ZNF385D: variants seen among roughly 807,000 people sequenced by gnomAD.
The protein encoded by ZNF385D is zinc finger protein 659.
A neutral mutation model predicts 35.8 loss-of-function variants in ZNF385D; 15 were observed. The observed-to-expected ratio is 0.42, with a 90% confidence interval of 0.28 to 0.64. The LOEUF is 0.64. Among genes scored for constraint, ZNF385D ranks in the 30% least tolerant of loss-of-function variants. The probability of loss-of-function intolerance (pLI) is 0.23; values close to 1 mark genes in which losing one functional copy is unlikely to be tolerated. For missense variants in ZNF385D, 474 were observed against 494.6 expected (o/e 0.96, Z 0.39); for synonymous variants, 212 against 186.8 (o/e 1.13, Z -1.10).
intron 2 of ZNF385D, among the ~76,000 whole-genome samples, chr3:22,245,316 A>G (rs1319063831): frequency 6.6e-6 from 1 of 152,036 alleles, no homozygotes; most frequent in African/African-American, 2.4e-5. Flanking sequence ...CTACCATATG[A>G]CAGAAGTGTC....
chr3:22,127,317 C>CTTTTTTTTTTTTTTTTTTTTTTTTTTT (rs71044975), intron 3 of ZNF385D, among the ~76,000 whole-genome samples: 1 of 56,308 alleles, frequency 1.8e-5, no homozygotes, highest in Non-Finnish European at 3.3e-5. Context: ...TCATTTCCTG[C>CTTTTTTTTTTTTTTTTTTTTTTTTTTT]TTTTTTTTTT....
intron 2 of ZNF385D, among the ~76,000 whole-genome samples, chr3:22,308,475 G>C (rs1054293065): frequency 2.0e-5 from 3 of 151,900 alleles, no homozygotes; most frequent in Non-Finnish European, 2.9e-5. Flanking sequence ...GAAAGACAGA[G>C]AGAAGGACAT....
chr3:21,702,654 T>C (rs1214513958), intron 1 of ZNF385D, among the ~76,000 whole-genome samples: 2 of 152,232 alleles, frequency 1.3e-5, no homozygotes, highest in African/African-American at 4.8e-5. Context: ...TGTTTCCCTT[T>C]GAAAATGGAA....
At chr3:21,892,098 C>A (rs3849560) in intron 3 of ZNF385D, among the ~76,000 whole-genome samples, 19,555 of 152,148 alleles carry the variant, frequency 0.13, 1,825 homozygotes, top group East Asian at 0.31. Flanking sequence ...AATTAACTCC[C>A]AATACTTGCT....
chr3:22,359,480 C>T (rs1361914068), intron 2 of ZNF385D, among the ~76,000 whole-genome samples: 3 of 151,732 alleles, frequency 2.0e-5, no homozygotes, highest in African/African-American at 7.3e-5. Context: ...TCAGCAATGG[C>T]GATTTCCAGA....
chr3:21,472,284 C>G (rs942056120), intron 4 of ZNF385D, among the ~76,000 whole-genome samples: 27 of 152,082 alleles, frequency 1.8e-4, no homozygotes, highest in African/African-American at 6.5e-4. Context: ...AATCTCTACT[C>G]TTGAAGAGGT....
chr3:22,240,639 G>C (rs1258179927), intron 2 of ZNF385D, among the ~76,000 whole-genome samples: 1 of 151,022 alleles, frequency 6.6e-6, no homozygotes, highest in Admixed American at 6.6e-5. Context: ...CTTTGAGGTT[G>C]CAGCAATTGA....
chr3:21,943,366 T>C (rs1351231928), intron 3 of ZNF385D, among the ~76,000 whole-genome samples: 1 of 151,650 alleles, frequency 6.6e-6, no homozygotes, highest in Non-Finnish European at 1.5e-5. Flanking sequence ...AGTAATTATT[T>C]ATTTGACTTA....
At chr3:21,781,606 T>G (rs1039394632) in intron 3 of ZNF385D, among the ~76,000 whole-genome samples, 1 of 152,082 alleles carries the variant, frequency 6.6e-6, no homozygotes, top group Non-Finnish European at 1.5e-5. Flanking sequence ...TTGACTCTAA[T>G]AATACCTCAT....
At chr3:22,138,593 C>T (rs1326066086) in intron 3 of ZNF385D, among the ~76,000 whole-genome samples, 3 of 151,386 alleles carry the variant, frequency 2.0e-5, no homozygotes, top group Admixed American at 2.0e-4. Context: ...ATAAATGGTG[C>T]TGGGAAAACT....
intron 3 of ZNF385D, among the ~76,000 whole-genome samples, chr3:21,896,555 G>C (rs2125890594): frequency 6.6e-6 from 1 of 152,244 alleles, no homozygotes; most frequent in Middle Eastern, 3.4e-3. Flanking sequence ...ATATTTTTAT[G>C]AACAGGGCAG....
chr3:22,184,199 A>G (rs970142498), intron 2 of ZNF385D, among the ~76,000 whole-genome samples: 1 of 152,164 alleles, frequency 6.6e-6, no homozygotes, highest in Admixed American at 6.6e-5. Flanking sequence ...CATTTGTAAG[A>G]AGGAGGTGAA....
rs535116583 is a variant in ZNF385D at position 22,280,818 on chromosome 3, T to G, written c.106+91632A>C. The stretch of plus-strand genomic sequence containing the variant: ...TCTTTGAGGAATGATTGCGGTATTT[T>G]GATTGGAATTGTATTAATTTGTAGA... On this transcript the variant is annotated intron_variant, in intron 2 of 5. Transcript: ENST00000494108. 1.8e-4 allele frequency among the ~76,000 whole-genome samples: 28 copies of G among 152,264 alleles called. No individual in the cohort carries two copies. In the South Asian group the frequency reaches 5.6e-3, roughly 30 times the overall value.
intron 2 of ZNF385D, among the ~76,000 whole-genome samples, chr3:21,634,875 CA>C (rs1482612828): frequency 1.3e-5 from 2 of 151,416 alleles, no homozygotes; most frequent in African/African-American, 4.9e-5. Context: ...GAAGAGACAA[CA>C]ATTGTCACTT....
In ZNF385D at chr3:21,796,498, G is replaced by A. The variant is rs149965116; in HGVS notation, c.326-131470C>T. 3.5e-4 allele frequency among the ~76,000 whole-genome samples: 53 copies of A among 152,228 alleles called. 1 individual carries two copies. In the East Asian group the frequency reaches 9.8e-3, roughly 28 times the overall value. The stretch of plus-strand genomic sequence containing the variant: ...GTTCAAAATTTGAGAATTATTTAAT[G>A]TAATTCATCACATCAACAAAAGCTG... On this transcript the variant is annotated intron_variant, in intron 3 of 5. Coordinates refer to the ZNF385D transcript ENST00000494108.
At chr3:21,444,392 T>G (rs951538538) in intron 4 of ZNF385D, among the ~76,000 whole-genome samples, 3 of 70,312 alleles carry the variant, frequency 4.3e-5, no homozygotes, top group African/African-American at 4.0e-4. Flanking sequence ...TTTTTGTTTT[T>G]TTTTTTTTTT....
At chr3:22,201,628 T>C (rs529879462) in intron 2 of ZNF385D, among the ~76,000 whole-genome samples, 1 of 152,206 alleles carries the variant, frequency 6.6e-6, no homozygotes, top group East Asian at 1.9e-4. Flanking sequence ...TGCCTTGAGA[T>C]GTTTAAGTTC....
intron 2 of ZNF385D, among the ~76,000 whole-genome samples, chr3:21,605,460 C>T (rs1281894778): frequency 2.0e-5 from 3 of 152,126 alleles, no homozygotes; most frequent in Non-Finnish European, 4.4e-5. Context: ...CGCAGGACCT[C>T]GTGTAGGGAA....
At chr3:21,562,389 C>A (rs2062982811) in intron 3 of ZNF385D, among the ~76,000 whole-genome samples, 1 of 151,982 alleles carries the variant, frequency 6.6e-6, no homozygotes, top group Admixed American at 6.6e-5. Context: ...ATTAGAAACA[C>A]TCCAAAAATA....
Sources: gnomAD v4.1 joint callset for allele counts (sites outside exome capture counted in the v4.1 genomes callset) on GRCh38, gnomAD v4.1.1 for gene constraint, MANE v1.5 for transcripts, NCBI Gene and HGNC (gene_info 2026-07-23, HGNC 2026-07-21) for gene names.